Variants in ABCC1 observed in about 807,000 individuals in gnomAD.
ABCC1 encodes the protein ATP binding cassette subfamily C member 1 (ABCC1 blood group).
Under a neutral mutation model 172.9 loss-of-function variants are expected in ABCC1, and 83 were observed. That is an observed-to-expected ratio of 0.48 (90% CI 0.40 to 0.58). ABCC1 has a LOEUF of 0.58. Ranked by LOEUF, ABCC1 falls within the 20% of genes least tolerant of loss-of-function variation. The pLI, the probability that ABCC1 is intolerant of heterozygous loss-of-function variation, is 0.00. For missense variants in ABCC1, 1,817 were observed against 2,002.7 expected (o/e 0.91, Z 1.77); for synonymous variants, 937 against 825.2 (o/e 1.14, Z -2.32).
intron 1 of ABCC1, 29 bp downstream of exon 1, chr16:15,949,828 C>G: frequency 2.5e-6 from 3 of 1,192,696 alleles, no homozygotes; most frequent in Non-Finnish European, 3.1e-6. Flanking sequence ...GTGAGGCCGG[C>G]GGGACGGAGG....
intron 22 of ABCC1, among the ~76,000 whole-genome samples, chr16:16,113,916 G>A (rs528523085): frequency 6.6e-6 from 1 of 152,122 alleles, no homozygotes; most frequent in Admixed American, 6.6e-5. Context: ...GTTCACAATA[G>A]GGTTCGCACT....
chr16:16,083,789 T>C (rs2050900098), intron 17 of ABCC1, among the ~76,000 whole-genome samples: 1 of 152,098 alleles, frequency 6.6e-6, no homozygotes, highest in Admixed American at 6.5e-5. Context: ...AAAGGGGGGC[T>C]CTTCTCATGG....
Position 16,087,003 on chromosome 16 carries a change from C to CGG in ABCC1, c.2460+15_2460+16dup. The CGG allele has an allele frequency of 6.2e-7, 1 of 1,613,794 alleles. No individual in the cohort carries two copies. The highest frequency in any genetic ancestry group is 2.2e-5 in the East Asian group (1 of 44,870). ...TGCTGAAGAACAAGGTGCCTGCTGG[C>CGG]GGGGTGGGGCTTGGTGTTGGGCCGT... On this transcript the variant is annotated intron_variant, in intron 18 of 30. Coordinates refer to ENST00000399410, the MANE Select transcript of ABCC1 (RefSeq NM_004996.4).
At chr16:16,070,675 A>T (rs2050312307) in intron 13 of ABCC1, among the ~76,000 whole-genome samples, 1 of 152,150 alleles carries the variant, frequency 6.6e-6, no homozygotes, top group African/African-American at 2.4e-5. Flanking sequence ...AAAAACGAAC[A>T]AAAAAACCCA....
At chr16:15,949,584 G>T (rs922161961), upstream of ABCC1, 2 of 151,480 alleles carry the variant, frequency 1.3e-5, no homozygotes, top group African/African-American at 5.8e-5. Context: ...CAACCAGGCG[G>T]CGTTGCGGCC....
intron 9 of ABCC1, 115 bp from the exon 10 acceptor site, chr16:16,048,027 G>T: frequency 2.3e-6 from 3 of 1,315,960 alleles, no homozygotes; most frequent in Non-Finnish European, 3.2e-6. Flanking sequence ...GGGAGGAGGA[G>T]AGATCTGCGG....
intron 20 of ABCC1, among the ~76,000 whole-genome samples, chr16:16,106,004 G>C (rs1380385282): frequency 6.6e-6 from 1 of 151,272 alleles, no homozygotes; most frequent in African/African-American, 2.4e-5. Flanking sequence ...AACCTCCCAA[G>C]TAGTTGGGAC....
At chr16:16,077,169 T>G (rs2050608227) in intron 15 of ABCC1, among the ~76,000 whole-genome samples, 1 of 152,176 alleles carries the variant, frequency 6.6e-6, no homozygotes, top group African/African-American at 2.4e-5. Context: ...TTAGGCCCCC[T>G]TAAGGAATCC....
Position 16,138,391 on chromosome 16 carries a change from A to C in ABCC1, c.4320A>C (p.Leu1440=). The change falls in exon 30 of 31, where the codon CTA becomes CTC. Residue 1440 remains leucine (L), a synonymous_variant. Transcript: ENST00000399410. The stretch of plus-strand genomic sequence containing the variant: ...TCGGGCAGCGCCAGCTTGTGTGCCT[A>C]GCCCGGGCCCTGCTGAGGAAGACGA... The part of the protein sequence containing the change: ...LSVGQRQLVC[L]ARALLRKTKI... 1 of 1,599,158 alleles carries C rather than the reference A, an allele frequency of 6.3e-7. No homozygotes were observed.
intron 23 of ABCC1, among the ~76,000 whole-genome samples, chr16:16,116,382 C>A (rs111664155): frequency 6.6e-6 from 1 of 152,060 alleles, no homozygotes; most frequent in Admixed American, 6.6e-5. Flanking sequence ...CAATGGATGC[C>A]TTAAACTGCA....
At chr16:16,014,290 A>T (rs2047904705) in intron 3 of ABCC1, among the ~76,000 whole-genome samples, 1 of 152,186 alleles carries the variant, frequency 6.6e-6, no homozygotes. Context: ...TACTAAAAAT[A>T]CAAAAATTAG....
At chr16:16,135,957 A>T (rs2045898989) in intron 28 of ABCC1, among the ~76,000 whole-genome samples, 1 of 151,860 alleles carries the variant, frequency 6.6e-6, no homozygotes, top group Non-Finnish European at 1.5e-5. Context: ...TGAAGGCTCC[A>T]GGAAGTTGTA....
intron 5 of ABCC1, among the ~76,000 whole-genome samples, chr16:16,027,298 C>A (rs1202772478): frequency 1.3e-5 from 2 of 152,140 alleles, no homozygotes; most frequent in African/African-American, 4.8e-5. Context: ...TCTGTGGCAA[C>A]CCCTAACTCC....
chr16:16,120,942 A>G (rs2045124795), intron 23 of ABCC1, among the ~76,000 whole-genome samples: 1 of 152,174 alleles, frequency 6.6e-6, no homozygotes, highest in South Asian at 2.1e-4. Flanking sequence ...TAATGATAAC[A>G]ATAGTCACCA....
intron 19 of ABCC1, among the ~76,000 whole-genome samples, chr16:16,093,111 A>G (rs2051318804): frequency 6.6e-6 from 1 of 151,504 alleles, no homozygotes; most frequent in South Asian, 2.1e-4. Context: ...GGGAAGTTCT[A>G]CCTTGAGTCT....
chr16:15,969,875 T>C (rs773779216), intron 1 of ABCC1, among the ~76,000 whole-genome samples: 1 of 152,048 alleles, frequency 6.6e-6, no homozygotes, highest in Non-Finnish European at 1.5e-5. Context: ...TGCATAGCCC[T>C]TACCTGGGCT....
chr16:15,975,600 A>G (rs1258876523), intron 1 of ABCC1, among the ~76,000 whole-genome samples: 1 of 150,820 alleles, frequency 6.6e-6, no homozygotes, highest in Admixed American at 6.6e-5. Context: ...CTTGTTGCGC[A>G]GGCTGGAGTG....
intron 1 of ABCC1, among the ~76,000 whole-genome samples, chr16:15,998,308 G>A (rs2047128759): frequency 6.6e-6 from 1 of 151,814 alleles, no homozygotes; most frequent in Non-Finnish European, 1.5e-5. Flanking sequence ...AATTTTTTTG[G>A]TGAAGACAGG....
chr16:16,141,140 C>T lies in ABCC1; in HGVS notation c.4488-33C>T, dbSNP rs757602611. On this transcript the variant is annotated intron_variant, in intron 30 of 30. Coordinates refer to ENST00000399410, the MANE Select transcript of ABCC1 (RefSeq NM_004996.4). ...GGGGCACGAGGTGCTCACCCCTCCC[C>T]TTCCCCTCATGTCTGTATCCCCTCT... 4.4e-6 allele frequency: 7 copies of T among 1,598,318 alleles called. No homozygotes were observed. In the East Asian group the frequency reaches 1.6e-4, roughly 36 times the overall value.
Sources: gnomAD v4.1 joint callset for allele counts (sites outside exome capture counted in the v4.1 genomes callset) on GRCh38, gnomAD v4.1.1 for gene constraint, MANE v1.5 for transcripts, NCBI Gene and HGNC (gene_info 2026-07-23, HGNC 2026-07-21) for gene names.